The following PRKG1 variants were observed in gnomAD, a reference collection of about 807,000 sequenced individuals.
PRKG1 encodes the protein protein kinase cGMP-dependent 1.
A neutral mutation model predicts 88.1 loss-of-function variants in PRKG1; 35 were observed. That is an observed-to-expected ratio of 0.40 (90% CI 0.30 to 0.53). PRKG1 has a LOEUF of 0.53. PRKG1 is among the 20% of genes least tolerant of loss of function. The pLI is 0.59. For missense variants in PRKG1, 540 were observed against 839.8 expected, an observed-to-expected ratio of 0.64 and a Z score of 4.41; for synonymous variants, 303 against 292.5, an observed-to-expected ratio of 1.04 and a Z score of -0.37.
At chr10:51,236,524 A>G (rs1264775307) in intron 2 of PRKG1, among the ~76,000 whole-genome samples, 1 of 148,104 alleles carries the variant, frequency 6.8e-6, no homozygotes, top group Admixed American at 6.7e-5. Context: ...TTTTTTTTTA[A>G]TGGAGTCTTG....
chr10:52,055,384 G>A (rs1180727078), intron 6 of PRKG1, among the ~76,000 whole-genome samples: 1 of 152,106 alleles, frequency 6.6e-6, no homozygotes, highest in Non-Finnish European at 1.5e-5. Context: ...AACTACTAAA[G>A]GTGATAAATT....
intron 3 of PRKG1, among the ~76,000 whole-genome samples, chr10:51,564,244 T>C (rs894739720): frequency 6.6e-6 from 1 of 151,970 alleles, no homozygotes; most frequent in African/African-American, 2.4e-5. Context: ...AAAAAAACCC[T>C]TTTTCTCACA....
At chr10:51,295,312 A>G (rs947368802) in intron 2 of PRKG1, among the ~76,000 whole-genome samples, 2 of 152,010 alleles carry the variant, frequency 1.3e-5, no homozygotes, top group African/African-American at 2.4e-5. Flanking sequence ...AATTTTCTTC[A>G]TCAATATTTT....
At chr10:51,056,423 C>T (rs1158176872) in intron 1 of PRKG1, among the ~76,000 whole-genome samples, 1 of 152,190 alleles carries the variant, frequency 6.6e-6, no homozygotes, top group Non-Finnish European at 1.5e-5. Flanking sequence ...AAAATGACTA[C>T]TTGGGAATGC....
At chr10:51,920,594 T>A (rs1842444094) in intron 5 of PRKG1, among the ~76,000 whole-genome samples, 1 of 152,172 alleles carries the variant, frequency 6.6e-6, no homozygotes, top group Non-Finnish European at 1.5e-5. Flanking sequence ...TATATCTATC[T>A]TTATATCGCC....
At chr10:51,792,282 C>T (rs951796973) in intron 3 of PRKG1, among the ~76,000 whole-genome samples, 7 of 151,990 alleles carry the variant, frequency 4.6e-5, no homozygotes, top group South Asian at 2.1e-4. Context: ...TGTTTATAAC[C>T]GATTTACACA....
intron 2 of PRKG1, among the ~76,000 whole-genome samples, chr10:51,228,309 C>T (rs939604389): frequency 2.0e-5 from 3 of 152,126 alleles, no homozygotes; most frequent in Admixed American, 1.3e-4. Flanking sequence ...GGTTATGGGG[C>T]AAGTGACAGG....
intron 2 of PRKG1, among the ~76,000 whole-genome samples, chr10:51,434,923 A>G (rs1838876573): frequency 6.6e-6 from 1 of 152,140 alleles, no homozygotes; most frequent in Admixed American, 6.5e-5. Context: ...ATAAAAATGA[A>G]GTTATATACA....
At position 52,216,675 on chromosome 10, in the gene PRKG1, G is replaced by T. The variant is rs374375958; in HGVS notation, c.1077-34895G>T. 5.3e-5 allele frequency among the ~76,000 whole-genome samples: 8 copies of T among 152,226 alleles called. No homozygotes were observed. The East Asian group carries it at 1.2e-3, about 22-fold the overall frequency. On this transcript the variant is annotated intron_variant, in intron 9 of 17. Coordinates refer to ENST00000373980, the MANE Select transcript of PRKG1 (RefSeq NM_006258.4). The stretch of plus-strand genomic sequence containing the variant: ...GCTGGAATTTCTGATGCCATTTCTT[G>T]CATGGTCCTAGAGGGAATAGAGCCT...
At chr10:51,838,943 G>A (rs1292297411) in intron 4 of PRKG1, among the ~76,000 whole-genome samples, 1 of 149,718 alleles carries the variant, frequency 6.7e-6, no homozygotes, top group Admixed American at 6.6e-5. Flanking sequence ...GCTGTATAAT[G>A]GCTGTATAAT....
chr10:51,830,191 A>G (rs1007557443), intron 4 of PRKG1, among the ~76,000 whole-genome samples: 1 of 152,072 alleles, frequency 6.6e-6, no homozygotes, highest in Admixed American at 6.6e-5. Flanking sequence ...TTGTTTTGGA[A>G]CTTTCCACCA....
At chr10:51,030,336 C>T (rs1212504674) in intron 1 of PRKG1, among the ~76,000 whole-genome samples, 7 of 151,790 alleles carry the variant, frequency 4.6e-5, no homozygotes, top group South Asian at 4.2e-4. Flanking sequence ...ATCATTGTCA[C>T]GTTTTCACTT....
intron 2 of PRKG1, among the ~76,000 whole-genome samples, chr10:51,219,541 C>T (rs1356519199): frequency 6.6e-6 from 1 of 151,650 alleles, no homozygotes; most frequent in Non-Finnish European, 1.5e-5. Context: ...AACCCCGTCT[C>T]TACTAAAAAT....
intron 5 of PRKG1, among the ~76,000 whole-genome samples, chr10:52,031,037 G>C (rs1845462646): frequency 6.6e-6 from 1 of 151,782 alleles, no homozygotes; most frequent in Admixed American, 6.6e-5. Context: ...CACTAACTCA[G>C]ATCCATTATT....
intron 4 of PRKG1, among the ~76,000 whole-genome samples, chr10:51,858,124 TATTATATATATACATATTATAC>T (rs1384388974): frequency 2.3e-4 from 9 of 38,482 alleles, no homozygotes; most frequent in African/African-American, 1.2e-3. Flanking sequence ...ATATAATATA[TATTATATATATACATATTATAC>T]ATATATATAA....
At chr10:52,271,224 C>A in intron 10 of PRKG1, 126 bp from the exon 11 acceptor site, 1 of 965,250 alleles carries the variant, frequency 1.0e-6, no homozygotes, top group Non-Finnish European at 1.5e-6. Flanking sequence ...CAAGGATTTA[C>A]TGTGTTTTGA....
intron 1 of PRKG1, among the ~76,000 whole-genome samples, chr10:51,143,637 A>G (rs1845874458): frequency 6.6e-6 from 1 of 151,970 alleles, no homozygotes; most frequent in Non-Finnish European, 1.5e-5. Context: ...AACACTTGTT[A>G]TCTTTTGTCT....
intron 7 of PRKG1, among the ~76,000 whole-genome samples, chr10:52,133,592 T>A (rs761756352): frequency 3.9e-4 from 60 of 152,224 alleles, no homozygotes; most frequent in Non-Finnish European, 6.5e-4. Context: ...TTTGTTCTAC[T>A]TGGGTGAATG....
chr10:52,006,109 C>T (rs1320329701), intron 5 of PRKG1, among the ~76,000 whole-genome samples: 1 of 138,672 alleles, frequency 7.2e-6, no homozygotes, highest in African/African-American at 2.8e-5. Context: ...ACAAAAAAAA[C>T]AAGTCTATCA....
Sources: allele counts gnomAD v4.1 joint callset (sites outside exome capture counted in the v4.1 genomes callset), GRCh38; gene constraint gnomAD v4.1.1; transcripts MANE v1.5; gene names NCBI Gene and HGNC (gene_info 2026-07-23, HGNC 2026-07-21).